PARD3: variants seen among roughly 807,000 people sequenced by gnomAD.
The protein encoded by PARD3 is partitioning defective 3 homolog.
A neutral mutation model predicts 155.4 loss-of-function variants in PARD3; 75 were observed. That is an observed-to-expected ratio of 0.48 (90% CI 0.40 to 0.58). The LOEUF (loss-of-function observed/expected upper bound fraction) is 0.58, where lower values mean the gene tolerates loss of function less well. PARD3 is among the 20% of genes least tolerant of loss of function. PARD3 has a pLI of 0.00. For synonymous variants in PARD3, 576 were observed against 610.5 expected, an observed-to-expected ratio of 0.94 and a Z score of 0.83; for missense variants, 1,642 against 1,721.7, an observed-to-expected ratio of 0.95 and a Z score of 0.82.
At chr10:34,232,983 T>TCC (rs1953010992) in intron 22 of PARD3, among the ~76,000 whole-genome samples, 1 of 150,242 alleles carries the variant, frequency 6.7e-6, no homozygotes, top group African/African-American at 2.5e-5. Context: ...ATTACAGGCC[T>TCC]GAGCCACCGT....
At chr10:34,666,092 T>C (rs373680557) in intron 2 of PARD3, among the ~76,000 whole-genome samples, 72 of 151,990 alleles carry the variant, frequency 4.7e-4, no homozygotes, top group African/African-American at 1.7e-3. Flanking sequence ...TGGTGGCATA[T>C]GCCTGTAGTC....
intron 3 of PARD3, among the ~76,000 whole-genome samples, chr10:34,483,498 AAG>A (rs1554873697): frequency 1.4e-5 from 2 of 140,802 alleles, no homozygotes; most frequent in Non-Finnish European, 3.0e-5. Flanking sequence ...AAAAAAAAAA[AAG>A]AGAGAGAAAA....
intron 4 of PARD3, among the ~76,000 whole-genome samples, chr10:34,451,604 T>C (rs2077061171): frequency 1.3e-5 from 2 of 152,126 alleles, no homozygotes; most frequent in Admixed American, 1.3e-4. Context: ...TAAAAATGAA[T>C]TGATAGTATT....
At chr10:34,216,281 G>A (rs577966756) in intron 22 of PARD3, among the ~76,000 whole-genome samples, 12 of 152,300 alleles carry the variant, frequency 7.9e-5, no homozygotes, top group Non-Finnish European at 1.6e-4. Flanking sequence ...CTATTTGTAC[G>A]ACTACCTGCA....
At chr10:34,494,623 G>T (rs1319535122) in intron 3 of PARD3, among the ~76,000 whole-genome samples, 1 of 152,174 alleles carries the variant, frequency 6.6e-6, no homozygotes, top group Non-Finnish European at 1.5e-5. Flanking sequence ...TGAGCATGCA[G>T]CTGTATAGGA....
At chr10:34,620,221 A>G (rs1228512555) in intron 2 of PARD3, among the ~76,000 whole-genome samples, 1 of 152,094 alleles carries the variant, frequency 6.6e-6, no homozygotes, top group African/African-American at 2.4e-5. Context: ...AGAAGACATC[A>G]CCCACCTCCC....
At position 34,645,814 on chromosome 10, in the gene PARD3, TTTAGAGCAAATTA is replaced by T. The variant is rs1340177556; in HGVS notation, c.222+50491_222+50503del. Reference sequence around the variant, plus strand: ...AAGGTTATCAGCTGATGAGCAGATTTTTAGAGCAAATTATTAAAACGTGTTACTATATCTGACA... The same window carrying T: ...AAGGTTATCAGCTGATGAGCAGATTTTTAAAACGTGTTACTATATCTGACA... On this transcript the variant is annotated intron_variant, in intron 2 of 24. Transcript: ENST00000374788. 3.7e-4 allele frequency among the ~76,000 whole-genome samples: 56 copies of T among 152,336 alleles called. 1 individual carries two copies. The highest frequency in any genetic ancestry group is 1.3e-3 in the African/African-American group (52 of 41,590).
At chr10:34,483,482 CAAA>C (rs35352038) in intron 3 of PARD3, among the ~76,000 whole-genome samples, 12 of 50,398 alleles carry the variant, frequency 2.4e-4, no homozygotes, top group Non-Finnish European at 1.8e-4. Context: ...ACTCTGTCAC[CAAA>C]AAAAAAAAAA....
At chr10:34,227,415 C>T (rs566780670) in intron 22 of PARD3, among the ~76,000 whole-genome samples, 46 of 152,310 alleles carry the variant, frequency 3.0e-4, no homozygotes, top group African/African-American at 1.0e-3. Context: ...GTAGGTGGAT[C>T]ACCTGAGGTC....
chr10:34,413,909 T>C lies in PARD3; in HGVS notation c.715-11992A>G, dbSNP rs572173673. ...AGTAATAACATTGCAAATGTCAAAG[T>C]AGTTGAGTTAAATAATTGACAAGGT... On this transcript the variant is annotated intron_variant, in intron 5 of 24. Transcript: ENST00000374788. 9.8e-5 allele frequency among the ~76,000 whole-genome samples: 15 copies of C among 152,322 alleles called. No homozygotes were observed. The South Asian group carries it at 3.1e-3, about 32-fold the overall frequency.
At chr10:34,405,638 G>T (rs1844386011) in intron 5 of PARD3, among the ~76,000 whole-genome samples, 1 of 152,120 alleles carries the variant, frequency 6.6e-6, no homozygotes, top group South Asian at 2.1e-4. Flanking sequence ...AAAGTAGGAG[G>T]GGTCTAGGAT....
intron 3 of PARD3, among the ~76,000 whole-genome samples, chr10:34,480,562 G>T (rs1364038541): frequency 6.6e-6 from 1 of 151,996 alleles, no homozygotes; most frequent in African/African-American, 2.4e-5. Context: ...AACAGCATCG[G>T]CCAGTTATTC....
intron 22 of PARD3, among the ~76,000 whole-genome samples, chr10:34,242,417 C>T (rs61840221): frequency 0.068 from 10,252 of 151,876 alleles, 468 homozygotes; most frequent in Non-Finnish European, 0.095. Context: ...AAAGGAAAGA[C>T]GATGGTAGGA....
intron 22 of PARD3, among the ~76,000 whole-genome samples, chr10:34,154,697 A>G (rs1432339021): frequency 6.6e-6 from 1 of 152,098 alleles, no homozygotes; most frequent in Non-Finnish European, 1.5e-5. Flanking sequence ...GTTTCGAGAG[A>G]GAGACAGAGA....
intron 1 of PARD3, among the ~76,000 whole-genome samples, chr10:34,783,370 C>G (rs973788220): frequency 1.3e-5 from 2 of 151,354 alleles, no homozygotes; most frequent in Non-Finnish European, 3.0e-5. Flanking sequence ...TTTCGGAGGC[C>G]GAGGCGGGCA....
At chr10:34,459,127 G>A (rs1246992115) in intron 4 of PARD3, among the ~76,000 whole-genome samples, 1 of 152,098 alleles carries the variant, frequency 6.6e-6, no homozygotes, top group African/African-American at 2.4e-5. Context: ...TTTAGAAAGT[G>A]CTTAACTTTG....
chr10:34,179,261 G>T (rs1316236019), intron 22 of PARD3, among the ~76,000 whole-genome samples: 6 of 152,094 alleles, frequency 3.9e-5, no homozygotes, highest in Admixed American at 2.0e-4. Context: ...CTAAGTGGAG[G>T]TATCTATAAC....
In PARD3 at chr10:34,687,947, C is replaced by G. The variant is rs566285200; in HGVS notation, c.222+8371G>C. 6.9e-5 allele frequency among the ~76,000 whole-genome samples: 10 copies of G among 145,872 alleles called. No homozygotes were observed. In the South Asian group the frequency reaches 1.4e-3, roughly 20 times the overall value. On this transcript the variant is annotated intron_variant, in intron 2 of 24. Transcript: ENST00000374788. The stretch of plus-strand genomic sequence containing the variant: ...ATGGCTCACTGCAGCCTCAACCTCA[C>G]AGGCTCAATGCGATCCTCCCACCTC...
chr10:34,488,170 T>C (rs1353125341), intron 3 of PARD3, among the ~76,000 whole-genome samples: 1 of 152,228 alleles, frequency 6.6e-6, no homozygotes, highest in Admixed American at 6.5e-5. Flanking sequence ...TCCCAGTGTA[T>C]GTTGACCATC....
Sources: gnomAD v4.1 joint callset for allele counts (sites outside exome capture counted in the v4.1 genomes callset) on GRCh38, gnomAD v4.1.1 for gene constraint, MANE v1.5 for transcripts, NCBI Gene and HGNC (gene_info 2026-07-23, HGNC 2026-07-21) for gene names.